The following SLC9A3 variants were observed in gnomAD, a reference collection of about 807,000 sequenced individuals.
The protein encoded by SLC9A3 is sodium/hydrogen exchanger 3.
Under a neutral mutation model 86.8 loss-of-function variants are expected in SLC9A3, and 37 were observed. The observed-to-expected ratio is 0.43, with a 90% CI of 0.33 to 0.56. The LOEUF is 0.56. Ranked by LOEUF, SLC9A3 falls within the 20% of genes least tolerant of loss-of-function variation. SLC9A3 has a pLI of 0.06. For missense variants in SLC9A3, 1,011 were observed against 1,171.9 expected (o/e 0.86, Z 2.00); for synonymous variants, 581 against 528.3 (o/e 1.10, Z -1.37).
intron 1 of SLC9A3, among the ~76,000 whole-genome samples, chr5:522,101 T>G (rs547948251): frequency 1.7e-5 from 1 of 58,002 alleles, no homozygotes; most frequent in African/African-American, 6.6e-5. Context: ...CTCCCACAGC[T>G]GCACAGGGTA....
rs987415315 is a variant in SLC9A3 at position 472,899 on chromosome 5, C to T, written c.*480G>A. 2.3e-5 allele frequency: 12 copies of T among 521,932 alleles called. No homozygotes were observed. Among genetic ancestry groups the T allele is most frequent in the Non-Finnish European group, 3.5e-5 (10 of 284,074 alleles). The allele number at this position is 521,932 out of a possible 1,614,324, so 32.3% of individuals were successfully genotyped here. On this transcript the variant is annotated 3_prime_UTR_variant, in exon 17 of 17. Coordinates refer to ENST00000264938, the MANE Select transcript of SLC9A3 (RefSeq NM_004174.4). ...TCCGTTTGGGGCGAGCCTCGGTTTC[C>T]CGGCAGCGGTGGGAAAGGGCGCGAG... is the stretch of plus-strand genomic sequence containing the variant.
chr5:481,749 CTG>C (rs1739182977), intron 8 of SLC9A3, 114 bp from the exon 9 acceptor site: 9 of 927,104 alleles, frequency 9.7e-6, no homozygotes, highest in South Asian at 1.3e-5. Flanking sequence ...CACCACGCCC[CTG>C]GCCTGGACGC....
At chr5:488,560 C>A (rs552701828) in intron 2 of SLC9A3, 84 bp from the exon 3 acceptor site, 31 of 1,376,168 alleles carry the variant, frequency 2.3e-5, no homozygotes, top group Non-Finnish European at 3.0e-5. Context: ...GCCTACGGGT[C>A]GGGGTTCGGA....
intron 5 of SLC9A3, among the ~76,000 whole-genome samples, 157 bp from the exon 6 acceptor site, chr5:483,639 G>A (rs1043774595): frequency 1.3e-5 from 2 of 152,226 alleles, no homozygotes; most frequent in Admixed American, 1.3e-4. Flanking sequence ...GGGCCGCCAG[G>A]GTTCCTGCCC....
intron 4 of SLC9A3, 102 bp from the exon 5 acceptor site, chr5:484,799 G>T: frequency 9.0e-7 from 1 of 1,114,022 alleles, no homozygotes; most frequent in South Asian, 1.4e-5. Context: ...CCGGGAAACG[G>T]GGGTGGATCC....
chr5:513,847 G>A (rs1052348487), intron 1 of SLC9A3, among the ~76,000 whole-genome samples: 24 of 152,332 alleles, frequency 1.6e-4, no homozygotes, highest in African/African-American at 2.4e-4. Context: ...GATTTAGGTC[G>A]AACGCAGCTC....
intron 1 of SLC9A3, among the ~76,000 whole-genome samples, chr5:522,453 G>T (rs1052941855): frequency 3.3e-5 from 5 of 152,234 alleles, no homozygotes; most frequent in Admixed American, 1.3e-4. Context: ...AGAGGCCCCA[G>T]CTTGTACAGA....
At chr5:501,115 T>C (rs1303334519) in intron 1 of SLC9A3, among the ~76,000 whole-genome samples, 2 of 152,176 alleles carry the variant, frequency 1.3e-5, no homozygotes, top group Admixed American at 1.3e-4. Context: ...CTTTTAGTTC[T>C]AATTACAAAC....
intron 1 of SLC9A3, among the ~76,000 whole-genome samples, chr5:502,178 C>T (rs551350557): frequency 4.3e-4 from 66 of 152,364 alleles, no homozygotes; most frequent in African/African-American, 1.5e-3. Context: ...TGAGCAACCG[C>T]GCTGGGGCAA....
intron 2 of SLC9A3, among the ~76,000 whole-genome samples, chr5:489,718 T>C (rs140212631): frequency 6.7e-4 from 102 of 152,270 alleles, no homozygotes; most frequent in Non-Finnish European, 1.2e-3. Context: ...CGAATCCCCT[T>C]CAAGGTCATC....
intron 1 of SLC9A3, among the ~76,000 whole-genome samples, chr5:503,705 C>T (rs369166618): frequency 3.9e-5 from 6 of 152,230 alleles, no homozygotes; most frequent in Non-Finnish European, 7.3e-5. Context: ...CCTGTGGGCA[C>T]GGCACAGTCA....
At chr5:482,496 C>T in intron 7 of SLC9A3, 52 bp downstream of exon 7, 2 of 1,463,098 alleles carry the variant, frequency 1.4e-6, no homozygotes, top group Non-Finnish European at 1.9e-6. Flanking sequence ...CGGGCCCAGG[C>T]TCCCCTCGCG....
chr5:522,839 G>A (rs1471618808), intron 1 of SLC9A3, among the ~76,000 whole-genome samples: 12 of 152,192 alleles, frequency 7.9e-5, no homozygotes, highest in Admixed American at 1.3e-4. Flanking sequence ...AGGACTGGGC[G>A]GCCGCAGAGC....
chr5:514,886 G>A (rs929849139), intron 1 of SLC9A3, among the ~76,000 whole-genome samples: 1 of 152,282 alleles, frequency 6.6e-6, no homozygotes, highest in Non-Finnish European at 1.5e-5. Context: ...CCTGGCTCCC[G>A]CTCCTTCCCT....
At chr5:476,777 G>A (rs767033927) in intron 11 of SLC9A3, 105 bp from the exon 12 acceptor site, 90 of 1,419,850 alleles carry the variant, frequency 6.3e-5, no homozygotes, top group South Asian at 8.8e-5. Flanking sequence ...TGCCTCCTGC[G>A]TGCCCCTCGC....
In SLC9A3 at chr5:477,444, C is replaced by G. The variant is rs747030554; in HGVS notation, c.1648G>C (p.Gly550Arg). The G allele has an allele frequency of 6.2e-7, 1 of 1,610,422 alleles. No individual in the cohort carries two copies. The highest frequency in any genetic ancestry group is 1.1e-5 in the South Asian group (1 of 90,890). ...LKDAISYVAE[G>R]ERRGSLAFIR... is the part of the protein sequence containing the mutation. ...AAGGCCAGGGACCCGCGGCGCTCTC[C>G]CTGTGGTCAGGAAGCAGCCCGGTCA... Residue 550 changes from glycine to arginine, a missense_variant and splice_region_variant, in exon 11 of 17, where the codon GGA becomes CGA. Gly to Arg is a moderately radical substitution (Grantham distance 125). This residue lies in a region of SLC9A3 where 565 missense variants were observed against 790.0 expected (regional missense o/e 0.72). Coordinates refer to ENST00000264938, the MANE Select transcript of SLC9A3 (RefSeq NM_004174.4).
intron 1 of SLC9A3, among the ~76,000 whole-genome samples, chr5:499,717 G>A (rs1351460757): frequency 6.6e-6 from 1 of 152,188 alleles, no homozygotes; most frequent in African/African-American, 2.4e-5. Context: ...GTGGGCCCTC[G>A]AGGCTCTAGA....
intron 1 of SLC9A3, among the ~76,000 whole-genome samples, chr5:501,228 C>T (rs535796354): frequency 1.8e-4 from 27 of 152,268 alleles, no homozygotes; most frequent in Admixed American, 1.1e-3. Context: ...AGGAAGGCCA[C>T]GGCCCAATGC....
intron 1 of SLC9A3, among the ~76,000 whole-genome samples, chr5:506,790 G>A (rs187983553): frequency 1.4e-4 from 21 of 152,154 alleles, no homozygotes; most frequent in African/African-American, 4.3e-4. Flanking sequence ...ATTGGGGGCC[G>A]GGCGCGGTGG....
Sources: allele counts gnomAD v4.1 joint callset (sites outside exome capture counted in the v4.1 genomes callset), GRCh38; gene constraint gnomAD v4.1.1; regional missense constraint gnomAD v4.1.1; transcripts MANE v1.5; gene names NCBI Gene and HGNC (gene_info 2026-07-23, HGNC 2026-07-21).